Variants in DLGAP2 observed in about 807,000 individuals in gnomAD.
DLGAP2 encodes disks large-associated protein 2.
A neutral mutation model predicts 100.3 loss-of-function variants in DLGAP2; 26 were observed. The ratio of observed to expected loss-of-function variants is 0.26; its 90% CI spans 0.19 to 0.36. DLGAP2 has a LOEUF of 0.36. DLGAP2 is among the 10% of genes least tolerant of loss of function. DLGAP2 has a pLI of 1.00. For synonymous variants in DLGAP2, 886 were observed against 630.1 expected, an observed-to-expected ratio of 1.41 and a Z score of -6.08; for missense variants, 1,858 against 1,453.2, an observed-to-expected ratio of 1.28 and a Z score of -4.53.
intron 4 of DLGAP2, among the ~76,000 whole-genome samples, chr8:1,513,903 C>G (rs372552342): frequency 6.6e-6 from 1 of 152,218 alleles, no homozygotes; most frequent in African/African-American, 2.4e-5. Flanking sequence ...CTCCTTCATT[C>G]ATCCATCCAT....
At chr8:1,047,372 G>A (rs548325638) in intron 2 of DLGAP2, among the ~76,000 whole-genome samples, 1 of 151,698 alleles carries the variant, frequency 6.6e-6, no homozygotes, top group African/African-American at 2.4e-5. Context: ...AATTTTTTTT[G>A]GATTTTGGAA....
chr8:1,608,855 A>G (rs1796907197), intron 6 of DLGAP2, among the ~76,000 whole-genome samples: 1 of 150,834 alleles, frequency 6.6e-6, no homozygotes, highest in Non-Finnish European at 1.5e-5. Context: ...GAATAAAAAG[A>G]AATGAGCAAA....
intron 2 of DLGAP2, among the ~76,000 whole-genome samples, chr8:1,243,971 C>G (rs1052637794): frequency 1.3e-5 from 2 of 152,164 alleles, no homozygotes; most frequent in African/African-American, 2.4e-5. Context: ...AGCCTCCGCA[C>G]TCCACCATAG....
intron 2 of DLGAP2, among the ~76,000 whole-genome samples, chr8:1,227,514 G>A (rs1292244214): frequency 1.2e-4 from 17 of 137,796 alleles, no homozygotes; most frequent in African/African-American, 4.7e-4. Context: ...TTTTTTTTTT[G>A]ATGGAGTTCT....
At chr8:1,661,295 C>A (rs922125008) in intron 8 of DLGAP2, among the ~76,000 whole-genome samples, 1 of 152,176 alleles carries the variant, frequency 6.6e-6, no homozygotes, top group East Asian at 1.9e-4. Context: ...TGGTGCATGA[C>A]CACCTGTTCT....
chr8:741,265 T>A (rs1370672705), intron 1 of DLGAP2, among the ~76,000 whole-genome samples: 2 of 152,192 alleles, frequency 1.3e-5, no homozygotes, highest in African/African-American at 4.8e-5. Context: ...AAACTCTAGT[T>A]TAAATCTTGC....
At chr8:916,841 G>T (rs546258872) in intron 2 of DLGAP2, among the ~76,000 whole-genome samples, 1 of 152,254 alleles carries the variant, frequency 6.6e-6, no homozygotes, top group South Asian at 2.1e-4. Flanking sequence ...TTGGGAATTT[G>T]GTCTGGAAGC....
chr8:1,287,495 TG>T (rs1799955201), intron 3 of DLGAP2, among the ~76,000 whole-genome samples: 2 of 40,306 alleles, frequency 5.0e-5, no homozygotes, highest in African/African-American at 3.2e-4. Flanking sequence ...TGTGTGTGTG[TG>T]GTTCTGTTAG....
At chr8:875,852 C>T (rs1797679402) in intron 1 of DLGAP2, among the ~76,000 whole-genome samples, 1 of 152,110 alleles carries the variant, frequency 6.6e-6, no homozygotes, top group African/African-American at 2.4e-5. Context: ...TTATTAAAAT[C>T]AGTTTCAGAC....
chr8:1,281,878 G>T (rs887914132), intron 3 of DLGAP2, among the ~76,000 whole-genome samples: 2 of 152,240 alleles, frequency 1.3e-5, no homozygotes, highest in African/African-American at 4.8e-5. Flanking sequence ...TGCCCTGGAA[G>T]AGACGTTCAA....
At position 1,341,105 on chromosome 8, in the gene DLGAP2, G is replaced by C. The variant is rs538086522; in HGVS notation, c.106+82222G>C. 2.0e-5 allele frequency among the ~76,000 whole-genome samples: 3 copies of C among 152,256 alleles called. No individual in the cohort carries two copies. The South Asian group carries it at 6.2e-4, about 32-fold the overall frequency. On this transcript the variant is annotated intron_variant, in intron 3 of 14. Transcript: ENST00000637795. The stretch of plus-strand genomic sequence containing the variant: ...GGGAGGAGGAGGGTGGGAGGAGGGA[G>C]AGGATCAGGAAAGTAACTAATTGAT...
chr8:845,526 G>A (rs1797056972), intron 1 of DLGAP2, among the ~76,000 whole-genome samples: 1 of 152,134 alleles, frequency 6.6e-6, no homozygotes, highest in Non-Finnish European at 1.5e-5. Flanking sequence ...TCTATTATTG[G>A]ATAGTGAGGA....
At chr8:1,560,763 C>T (rs1242586293) in intron 5 of DLGAP2, among the ~76,000 whole-genome samples, 2 of 152,204 alleles carry the variant, frequency 1.3e-5, no homozygotes, top group African/African-American at 4.8e-5. Context: ...AAATGTAAAC[C>T]AAAATTCACA....
intron 3 of DLGAP2, among the ~76,000 whole-genome samples, chr8:1,262,087 T>G (rs1800730716): frequency 6.6e-6 from 1 of 152,192 alleles, no homozygotes; most frequent in African/African-American, 2.4e-5. Flanking sequence ...TAGTTCTGTC[T>G]GTGAGAGCTA....
intron 2 of DLGAP2, among the ~76,000 whole-genome samples, chr8:1,031,998 C>G (rs575640852): frequency 6.6e-6 from 1 of 152,172 alleles, no homozygotes; most frequent in Admixed American, 6.5e-5. Context: ...TTCCCGGGCC[C>G]TTGTGTGGTT....
At chr8:1,106,872 T>G (rs939813088) in intron 2 of DLGAP2, among the ~76,000 whole-genome samples, 6 of 152,282 alleles carry the variant, frequency 3.9e-5, no homozygotes, top group Middle Eastern at 3.4e-3. Flanking sequence ...AATTATCAAA[T>G]GAGAATAGAA....
At position 1,623,019 on chromosome 8, in the gene DLGAP2, A is replaced by C. The variant is rs200093931; in HGVS notation, c.1443-3721A>C. Among the ~76,000 whole-genome samples, 3 of 152,220 alleles carry C rather than the reference A, an allele frequency of 2.0e-5. No homozygotes were observed. The East Asian group carries it at 5.8e-4, about 29-fold the overall frequency. ...TCTTGAGTTTTGATCTGTGACTGTGAGGAACCTGGCCTTCTGGGACTCTAT... is the reference window on the plus strand; with the variant it reads ...TCTTGAGTTTTGATCTGTGACTGTGCGGAACCTGGCCTTCTGGGACTCTAT... On this transcript the variant is annotated intron_variant, in intron 6 of 14. Transcript: ENST00000637795.
intron 2 of DLGAP2, among the ~76,000 whole-genome samples, chr8:1,205,812 G>A (rs376833517): frequency 3.3e-5 from 5 of 152,128 alleles, no homozygotes; most frequent in Non-Finnish European, 5.9e-5. Flanking sequence ...ACTTCAGTCC[G>A]CCTGAGTGAG....
At chr8:1,200,915 G>A (rs553590472) in intron 2 of DLGAP2, among the ~76,000 whole-genome samples, 26 of 152,328 alleles carry the variant, frequency 1.7e-4, no homozygotes, top group African/African-American at 6.0e-4. Context: ...CGCCGCCTCC[G>A]GGCGGTGCGC....
Sources: gnomAD v4.1 joint callset for allele counts (sites outside exome capture counted in the v4.1 genomes callset) on GRCh38, gnomAD v4.1.1 for gene constraint, MANE v1.5 for transcripts, NCBI Gene and HGNC (gene_info 2026-07-23, HGNC 2026-07-21) for gene names.